The following ABCC8 variants were observed in gnomAD, a reference collection of about 807,000 sequenced individuals.
The protein encoded by ABCC8 is ATP-binding cassette sub-family C member 8.
In ABCC8, 137 loss-of-function variants were observed where a neutral mutation model predicts 188.0. The observed-to-expected ratio is 0.73, with a 90% CI of 0.63 to 0.84. The LOEUF (loss-of-function observed/expected upper bound fraction) is 0.84. Among genes scored for constraint, ABCC8 ranks in the 40% least tolerant of loss-of-function variants. ABCC8 has a pLI of 0.00. For missense variants in ABCC8, 1,750 were observed against 2,072.7 expected (o/e 0.84, Z 3.02); for synonymous variants, 797 against 846.5 (o/e 0.94, Z 1.01).
chr11:17,463,849 C>T (rs1847985102), intron 3 of ABCC8, among the ~76,000 whole-genome samples: 1 of 152,104 alleles, frequency 6.6e-6, no homozygotes, highest in Admixed American at 6.5e-5. Context: ...AGACAAATGT[C>T]CCTTAAAAAT....
Position 17,413,438 on chromosome 11 carries a change from T to C in ABCC8, c.2431A>G (p.Ile811Val), listed in dbSNP as rs751643553. 2 of 1,614,128 alleles carry C rather than the reference T, an allele frequency of 1.2e-6. No homozygotes were observed. Among genetic ancestry groups the C allele is most frequent in the South Asian group, 1.1e-5 (1 of 91,080 alleles). ...VIEACSLQPD[I>V]DILPHGDQTQ... ...TGGTCTCCATGGGGCAGGATGTCGA[T>C]GTCTGGCTGCAGAGAGCAGGCTTCA... is the stretch of plus-strand genomic sequence containing the variant. The change falls in exon 20 of 39, where the codon ATC becomes GTC. Residue 811 changes from isoleucine to valine, a missense_variant. Ile to Val is a conservative substitution (Grantham distance 29, BLOSUM62 3). Transcript: ENST00000389817.
At chr11:17,475,073 G>T (rs1305795261) in intron 1 of ABCC8, 46 bp from the exon 2 acceptor site, 1 of 1,611,686 alleles carries the variant, frequency 6.2e-7, no homozygotes, top group Admixed American at 1.7e-5. Flanking sequence ...CCACTTGGAG[G>T]AGGAAGAGGG....
chr11:17,433,693 T>A (rs1955951702), intron 10 of ABCC8, among the ~76,000 whole-genome samples: 1 of 152,176 alleles, frequency 6.6e-6, no homozygotes, highest in Non-Finnish European at 1.5e-5. Context: ...ATTGTCCCCA[T>A]CCTCGGGGAA....
intron 28 of ABCC8, among the ~76,000 whole-genome samples, chr11:17,403,253 G>A (rs939253936): frequency 5.3e-5 from 8 of 152,204 alleles, no homozygotes; most frequent in African/African-American, 1.9e-4. Flanking sequence ...GGTAAGGCCA[G>A]AGGTTTCCAT....
chr11:17,475,533 CA>C (rs1236304059), intron 1 of ABCC8, among the ~76,000 whole-genome samples: 1 of 152,192 alleles, frequency 6.6e-6, no homozygotes, highest in Non-Finnish European at 1.5e-5. Context: ...CAAGGTACCC[CA>C]TTATACATAC....
intron 23 of ABCC8, chr11:17,408,188 G>A (rs919645690): frequency 3.9e-5 from 21 of 538,258 alleles, no homozygotes; most frequent in Non-Finnish European, 4.6e-5. Flanking sequence ...AGGATAAGGC[G>A]AAGGTGCCCA....
At chr11:17,450,391 CTTCT>C (rs1956758971) in intron 7 of ABCC8, among the ~76,000 whole-genome samples, 1 of 75,434 alleles carries the variant, frequency 1.3e-5, no homozygotes, top group African/African-American at 4.6e-5. Context: ...CTTTCCTTTC[CTTCT>C]TTCTTTCCTT....
At chr11:17,426,328 C>T (rs1048727662) in intron 16 of ABCC8, among the ~76,000 whole-genome samples, 1 of 152,190 alleles carries the variant, frequency 6.6e-6, no homozygotes, top group Non-Finnish European at 1.5e-5. Context: ...CCTATTTCTC[C>T]ACATCCTCTC....
intron 2 of ABCC8, among the ~76,000 whole-genome samples, chr11:17,472,384 C>G (rs959842975): frequency 6.6e-6 from 1 of 152,126 alleles, no homozygotes; most frequent in African/African-American, 2.4e-5. Flanking sequence ...CAGAACATCA[C>G]AGAAAGAAAT....
At position 17,448,712 on chromosome 11, in the gene ABCC8, TCATCATCATCAC is replaced by T. The variant is rs1306338725; in HGVS notation, c.1177-53_1177-42del. On this transcript the variant is annotated intron_variant, in intron 7 of 38. Coordinates refer to ENST00000389817, the MANE Select transcript of ABCC8 (RefSeq NM_000352.6). ...GAGTGTTTCACATTCATCATCATTC[TCATCATCATCAC>T]CACACCAGATGCCACCTGTTACAGT... The T allele has an allele frequency of 6.2e-7, 1 of 1,613,432 alleles. No homozygotes were observed. The highest frequency in any genetic ancestry group is 1.7e-5 in the Admixed American group (1 of 59,990).
In ABCC8 at chr11:17,412,068, A is replaced by AT. The variant is rs574484667; in HGVS notation, c.2556+597dup. On this transcript the variant is annotated intron_variant, in intron 21 of 38. Coordinates refer to ENST00000389817, the MANE Select transcript of ABCC8 (RefSeq NM_000352.6). ...CCACCGCACCCAGCTAATTTTTTGT[A>AT]TTTTTAGTAGAGACGGGGTTTCACC... Among the ~76,000 whole-genome samples, 876 of 151,500 alleles carry AT rather than the reference A, an allele frequency of 5.8e-3. 17 individuals carry two copies. Among genetic ancestry groups the AT allele is most frequent in the East Asian group, 0.033 (167 of 5,126 alleles).
chr11:17,394,194 T>C (rs2133394423), intron 37 of ABCC8, 72 bp downstream of exon 37: 3 of 1,570,170 alleles, frequency 1.9e-6, no homozygotes, highest in Non-Finnish European at 2.6e-6. Flanking sequence ...GACTACTTCG[T>C]GCAAATTTCT....
chr11:17,474,229 T>C (rs1378701972), intron 2 of ABCC8, among the ~76,000 whole-genome samples: 1 of 152,276 alleles, frequency 6.6e-6, no homozygotes. Context: ...GAATAATGTT[T>C]ATGTTTATCA....
chr11:17,410,698 TG>T (rs1954768113), intron 21 of ABCC8, 45 bp from the exon 22 acceptor site: 1 of 1,611,300 alleles, frequency 6.2e-7, no homozygotes, highest in Non-Finnish European at 8.5e-7. Context: ...GGGAAAGGCA[TG>T]GTGGGGAGGG....
Position 17,413,421 on chromosome 11 carries a change from A to C in ABCC8, c.2448T>G (p.His816Gln). 1 of 1,614,156 alleles carries C rather than the reference A, an allele frequency of 6.2e-7. No individual in the cohort carries two copies. Among genetic ancestry groups the C allele is most frequent in the Non-Finnish European group, 8.5e-7 (1 of 1,180,022 alleles). The change falls in exon 20 of 39, where the codon CAT (histidine) becomes CAG (glutamine). Residue 816 changes from histidine to glutamine, a missense_variant. Physicochemically the swap from His to Gln is conservative, Grantham distance 24 (BLOSUM62 0). Transcript: ENST00000389817. ...SLQPDIDILP[H>Q]GDQTQIGERG... ...GTTCCCCAATCTGGGTCTGGTCTCC[A>C]TGGGGCAGGATGTCGATGTCTGGCT...
At chr11:17,432,144 C>A in intron 11 of ABCC8, 60 bp downstream of exon 11, 1 of 1,548,520 alleles carries the variant, frequency 6.5e-7, no homozygotes, top group South Asian at 1.2e-5. Flanking sequence ...GGCAGCCTGT[C>A]ACTGCAGACG....
intron 4 of ABCC8, 25 bp from the exon 5 acceptor site, chr11:17,461,850 G>A: frequency 6.2e-7 from 1 of 1,613,104 alleles, no homozygotes; most frequent in Non-Finnish European, 8.5e-7. Flanking sequence ...GGCCATGGGG[G>A]ATGGGTAAGT....
chr11:17,444,961 G>A (rs1956466665), intron 8 of ABCC8, among the ~76,000 whole-genome samples: 1 of 152,188 alleles, frequency 6.6e-6, no homozygotes, highest in African/African-American at 2.4e-5. Flanking sequence ...GCATATAGTT[G>A]GAGATCAATA....
At chr11:17,406,574 G>C (rs370774808) in intron 26 of ABCC8, 48 bp downstream of exon 26, 560 of 1,559,708 alleles carry the variant, frequency 3.6e-4, no homozygotes, top group Non-Finnish European at 4.4e-4. Context: ...AAGGCTCAGA[G>C]AACAGTGACT....
Sources: gnomAD v4.1 joint callset for allele counts (sites outside exome capture counted in the v4.1 genomes callset) on GRCh38, gnomAD v4.1.1 for gene constraint, MANE v1.5 for transcripts, NCBI Gene and HGNC (gene_info 2026-07-23, HGNC 2026-07-21) for gene names.